Variants in LRCH3 observed in about 807,000 individuals in gnomAD.
LRCH3 encodes the protein leucine rich repeats and calponin homology domain containing 3.
In LRCH3, 68 loss-of-function variants were observed where a neutral mutation model predicts 104.5. The ratio of observed to expected loss-of-function variants is 0.65; its 90% CI spans 0.54 to 0.80. The LOEUF is 0.80. LRCH3 is among the 30% of genes least tolerant of loss of function. The probability of loss-of-function intolerance (pLI) is 0.00; values close to 1 mark genes in which losing one functional copy is unlikely to be tolerated. For synonymous variants in LRCH3, 344 were observed against 361.3 expected (o/e 0.95, Z 0.54); for missense variants, 951 against 953.9 (o/e 1.00, Z 0.04).
intron 1 of LRCH3, among the ~76,000 whole-genome samples, chr3:197,802,600 T>TATA (rs1407493369): frequency 1.4e-4 from 22 of 152,314 alleles, no homozygotes; most frequent in Admixed American, 1.2e-3. Context: ...GTTCTTCATA[T>TATA]GTTTGGTAGA....
rs1257112939 is a variant in LRCH3, at chr3:197,812,719, G to C, written c.263-2189G>C. On this transcript the variant is annotated intron_variant, in intron 1 of 20. Coordinates refer to ENST00000425562, the MANE Select transcript of LRCH3 (RefSeq NM_001365715.1). ...TGAGATTACAGGCACATGCCACCAC[G>C]CCTGGCTAATTTTTGTATTTTTTGT... is the stretch of plus-strand genomic sequence containing the variant. Among the ~76,000 whole-genome samples, 2 of 151,780 alleles carry C rather than the reference G, an allele frequency of 1.3e-5. 1 individual carries two copies. Among genetic ancestry groups the C allele is most frequent in the African/African-American group, 4.8e-5 (2 of 41,326 alleles).
intron 9 of LRCH3, among the ~76,000 whole-genome samples, chr3:197,838,105 G>C (rs1253614316): frequency 6.6e-6 from 1 of 151,872 alleles, no homozygotes; most frequent in Non-Finnish European, 1.5e-5. Flanking sequence ...CAGCGTCCTA[G>C]GAGAGATTTG....
At chr3:197,865,577 G>A in intron 16 of LRCH3, 106 bp downstream of exon 16, 1 of 701,024 alleles carries the variant, frequency 1.4e-6, no homozygotes, top group Non-Finnish European at 2.1e-6. Flanking sequence ...TGTTGACCAG[G>A]GTGGTCTCAA....
chr3:197,797,784 G>A (rs1731394568), intron 1 of LRCH3, among the ~76,000 whole-genome samples: 1 of 150,416 alleles, frequency 6.6e-6, no homozygotes, highest in Admixed American at 6.6e-5. Flanking sequence ...CGCTTGTGCC[G>A]GGGAGGTGGA....
chr3:197,880,616 T>A (rs1349154958), intron 20 of LRCH3: 2 of 1,536,786 alleles, frequency 1.3e-6, no homozygotes, highest in Non-Finnish European at 1.7e-6. Context: ...AATCCAGTTT[T>A]GTCTGTCTCT....
At chr3:197,838,078 G>GA (rs1301313111) in intron 9 of LRCH3, among the ~76,000 whole-genome samples, 1 of 151,722 alleles carries the variant, frequency 6.6e-6, no homozygotes, top group Non-Finnish European at 1.5e-5. Context: ...AAAAACTAGG[G>GA]TGGTAAGCCA....
At chr3:197,843,119 A>G (rs759420861) in intron 10 of LRCH3, among the ~76,000 whole-genome samples, 2 of 151,546 alleles carry the variant, frequency 1.3e-5, no homozygotes, top group Admixed American at 6.6e-5. Flanking sequence ...GGGCCTACTT[A>G]TAATTTGAAT....
chr3:197,805,109 G>A (rs1732326597), intron 1 of LRCH3, among the ~76,000 whole-genome samples: 2 of 152,058 alleles, frequency 1.3e-5, no homozygotes, highest in African/African-American at 4.8e-5. Flanking sequence ...GGTCAGGCTG[G>A]TCTCGAACTC....
chr3:197,794,831 C>G (rs1383239638), intron 1 of LRCH3, among the ~76,000 whole-genome samples: 2 of 151,922 alleles, frequency 1.3e-5, no homozygotes, highest in African/African-American at 4.8e-5. Context: ...ATGGTGAAAC[C>G]CGGTCTCAAC....
intron 19 of LRCH3, among the ~76,000 whole-genome samples, chr3:197,873,264 C>T (rs1050452806): frequency 1.3e-5 from 2 of 152,168 alleles, no homozygotes; most frequent in Non-Finnish European, 2.9e-5. Flanking sequence ...TGCATTTTGC[C>T]GCACTTGCTT....
chr3:197,834,955 C>T (rs567471144), intron 8 of LRCH3, among the ~76,000 whole-genome samples: 71 of 152,074 alleles, frequency 4.7e-4, no homozygotes, highest in East Asian at 2.9e-3. Flanking sequence ...ACCAGCCTGG[C>T]CAACATGGTG....
At chr3:197,874,578 G>C (rs974687624) in intron 19 of LRCH3, among the ~76,000 whole-genome samples, 13 of 152,112 alleles carry the variant, frequency 8.5e-5, no homozygotes, top group African/African-American at 3.1e-4. Flanking sequence ...TAATGTGCCT[G>C]AATCAGCCTG....
At chr3:197,791,691 C>G in intron 1 of LRCH3, 151 bp downstream of exon 1, 2 of 878,766 alleles carry the variant, frequency 2.3e-6, no homozygotes, top group Non-Finnish European at 3.2e-6. Context: ...ACGGCGCCAG[C>G]CCTCCGGGCC....
chr3:197,847,997 A>G lies in LRCH3; in HGVS notation c.1506A>G (p.Arg502=). The change falls in exon 12 of 21, where the codon AGA becomes AGG. Residue 502 remains arginine, a synonymous_variant. Transcript: ENST00000425562. ...AAATAAGGACCAAGCAGATCCAGAG[A>G]GATGCTGTCCTGGACTTTGTCAAAG... is the stretch of plus-strand genomic sequence containing the variant. ...EEKIRTKQIQ[R]DAVLDFVKQK... 1 of 1,614,088 alleles carries G rather than the reference A, an allele frequency of 6.2e-7. No homozygotes were observed.
intron 1 of LRCH3, among the ~76,000 whole-genome samples, chr3:197,798,686 C>T (rs779957532): frequency 2.0e-5 from 3 of 152,216 alleles, no homozygotes; most frequent in East Asian, 1.9e-4. Context: ...CTTGGAAATA[C>T]GGACTAGAGT....
chr3:197,832,350 T>G (rs750908146), intron 8 of LRCH3, 33 bp downstream of exon 8: 2 of 1,601,242 alleles, frequency 1.2e-6, no homozygotes, highest in Middle Eastern at 3.3e-4. Flanking sequence ...CTAAAGTGTT[T>G]GCAACCATTT....
chr3:197,791,599 G>A, intron 1 of LRCH3, 59 bp downstream of exon 1: 1 of 1,472,412 alleles, frequency 6.8e-7, no homozygotes. Flanking sequence ...AGCCGCCCCG[G>A]CCGGGGGAGG....
At chr3:197,877,741 T>A (rs905976226) in intron 20 of LRCH3, among the ~76,000 whole-genome samples, 2 of 152,246 alleles carry the variant, frequency 1.3e-5, no homozygotes, top group South Asian at 4.1e-4. Context: ...ATCATTCTAT[T>A]ATTTATTTTT....
chr3:197,824,908 A>C (rs545235027), intron 4 of LRCH3, among the ~76,000 whole-genome samples: 1 of 152,178 alleles, frequency 6.6e-6, no homozygotes, highest in Non-Finnish European at 1.5e-5. Flanking sequence ...AAATACTCTG[A>C]GTCCTAGACT....
Sources: allele counts gnomAD v4.1 joint callset (sites outside exome capture counted in the v4.1 genomes callset), GRCh38; gene constraint gnomAD v4.1.1; transcripts MANE v1.5; gene names NCBI Gene and HGNC (gene_info 2026-07-23, HGNC 2026-07-21).